The following CDK14 variants were observed in gnomAD, a reference collection of about 807,000 sequenced individuals.
The protein encoded by CDK14 is cyclin dependent kinase 14.
CDK14 carries 34 observed loss-of-function variants against 60.7 expected under a neutral mutation model. That is an observed-to-expected ratio of 0.56 (90% CI 0.43 to 0.75). CDK14 has a LOEUF of 0.75. CDK14 is among the 30% of genes least tolerant of loss of function. The pLI is 0.00. For missense variants in CDK14, 482 were observed against 564.1 expected (o/e 0.85, Z 1.47); for synonymous variants, 197 against 203.7 (o/e 0.97, Z 0.28).
chr7:91,153,095 G>C, intron 14 of CDK14, among the ~76,000 whole-genome samples: 1 of 152,182 alleles, frequency 6.6e-6, no homozygotes, highest in East Asian at 1.9e-4. Flanking sequence ...ATAGCTAGGA[G>C]ACTGGCATGG....
chr7:90,899,765 T>C (rs954518916), intron 7 of CDK14, among the ~76,000 whole-genome samples: 4 of 152,126 alleles, frequency 2.6e-5, no homozygotes, highest in African/African-American at 9.6e-5. Context: ...CATGTCTTTT[T>C]ATTTCTATGT....
At chr7:91,070,828 CA>C (rs60407101) in intron 11 of CDK14, among the ~76,000 whole-genome samples, 38 of 140,234 alleles carry the variant, frequency 2.7e-4, no homozygotes, top group East Asian at 6.2e-4. Context: ...TAATTTTTAC[CA>C]AAAAAAAAAG....
chr7:90,618,327 CTCTT>C (rs1486774699), intron 2 of CDK14, among the ~76,000 whole-genome samples: 5 of 151,836 alleles, frequency 3.3e-5, no homozygotes, highest in Admixed American at 6.6e-5. Context: ...TTTTTTTTCT[CTCTT>C]TCTCTCCTTT....
At chr7:90,955,242 T>C (rs1046591494) in intron 8 of CDK14, among the ~76,000 whole-genome samples, 3 of 152,138 alleles carry the variant, frequency 2.0e-5, no homozygotes, top group Non-Finnish European at 1.5e-5. Flanking sequence ...AGTATTATAC[T>C]CTCCTCTTGC....
chr7:91,153,804 G>A (rs535495895), intron 14 of CDK14, among the ~76,000 whole-genome samples: 105 of 152,198 alleles, frequency 6.9e-4, no homozygotes, highest in Admixed American at 2.7e-3. Context: ...CCTGGGTAAC[G>A]AAATAATCTG....
rs895722840 is a variant in CDK14 at position 91,093,165 on chromosome 7, A to G, written c.1154+13685A>G. On this transcript the variant is annotated intron_variant, in intron 12 of 14. Transcript: ENST00000380050. The stretch of plus-strand genomic sequence containing the variant: ...TCTGCAGCTCTGAGGACTGGTTCAG[A>G]TGTGTGCGTGTCACTCTATTTGGAA... Among the ~76,000 whole-genome samples, 6 of 152,254 alleles carry G rather than the reference A, an allele frequency of 3.9e-5. 1 individual carries two copies. Among genetic ancestry groups the G allele is most frequent in the Middle Eastern group, 6.8e-3 (2 of 294 alleles).
intron 4 of CDK14, among the ~76,000 whole-genome samples, chr7:90,775,290 T>G (rs3808226): frequency 0.21 from 31,204 of 152,144 alleles, 3,342 homozygotes; most frequent in South Asian, 0.24. Context: ...AACAGAAGAT[T>G]AGGAATGAAT....
At chr7:90,912,455 G>A (rs1279945219) in intron 7 of CDK14, among the ~76,000 whole-genome samples, 2 of 152,130 alleles carry the variant, frequency 1.3e-5, no homozygotes, top group African/African-American at 4.8e-5. Flanking sequence ...ATGAGGTGTG[G>A]TGGAAAATTC....
intron 8 of CDK14, among the ~76,000 whole-genome samples, chr7:90,952,336 T>G (rs1048999882): frequency 6.6e-6 from 1 of 152,152 alleles, no homozygotes; most frequent in Admixed American, 6.6e-5. Context: ...GATAACCATC[T>G]TATAGAGATG....
At chr7:91,106,816 G>A (rs1323344543) in intron 12 of CDK14, among the ~76,000 whole-genome samples, 1 of 152,196 alleles carries the variant, frequency 6.6e-6, no homozygotes, top group Non-Finnish European at 1.5e-5. Flanking sequence ...TACACCAAGA[G>A]AGGTCACTGC....
intron 2 of CDK14, among the ~76,000 whole-genome samples, chr7:90,648,616 G>GC (rs995013449): frequency 3.9e-5 from 6 of 151,982 alleles, no homozygotes; most frequent in African/African-American, 1.5e-4. Context: ...TTCTCTCAGG[G>GC]CCCCCAGACC....
chr7:91,054,988 C>T (rs1035743624), intron 11 of CDK14, among the ~76,000 whole-genome samples: 2 of 152,108 alleles, frequency 1.3e-5, no homozygotes, highest in Non-Finnish European at 2.9e-5. Flanking sequence ...CAAAAAGTCA[C>T]GGACTCATTT....
intron 5 of CDK14, among the ~76,000 whole-genome samples, chr7:90,816,548 G>A (rs925588797): frequency 6.6e-6 from 1 of 152,192 alleles, no homozygotes; most frequent in Non-Finnish European, 1.5e-5. Context: ...CATTTGGGAT[G>A]ATTGGTCAGG....
intron 2 of CDK14, among the ~76,000 whole-genome samples, chr7:90,719,735 G>T (rs1802378384): frequency 6.6e-6 from 1 of 152,124 alleles, no homozygotes; most frequent in African/African-American, 2.4e-5. Context: ...GTTTATTTTG[G>T]TATTTGTGAT....
chr7:90,649,774 T>C (rs1456956589), intron 2 of CDK14, among the ~76,000 whole-genome samples: 1 of 152,112 alleles, frequency 6.6e-6, no homozygotes, highest in Non-Finnish European at 1.5e-5. Context: ...TCCATGTCCC[T>C]GCAAAGGACG....
At chr7:90,722,619 A>ATTT (rs10629900) in intron 2 of CDK14, among the ~76,000 whole-genome samples, 22 of 151,460 alleles carry the variant, frequency 1.5e-4, no homozygotes, top group African/African-American at 3.6e-4. Flanking sequence ...ACCTTGTTAA[A>ATTT]TTTTTTTTTT....
At chr7:90,989,643 C>T (rs948436211) in intron 10 of CDK14, among the ~76,000 whole-genome samples, 4 of 152,028 alleles carry the variant, frequency 2.6e-5, no homozygotes, top group South Asian at 2.1e-4. Context: ...CCAGCAATAA[C>T]GGTGGATTCT....
chr7:90,937,714 A>G (rs1176098540), intron 8 of CDK14, among the ~76,000 whole-genome samples: 1 of 152,184 alleles, frequency 6.6e-6, no homozygotes, highest in African/African-American at 2.4e-5. Flanking sequence ...GTTTCAATGA[A>G]AAATCAGCCA....
In CDK14 at chr7:90,949,579, A is replaced by G. The variant is rs144357752; in HGVS notation, c.827-6118A>G. Among the ~76,000 whole-genome samples, 9 of 152,336 alleles carry G rather than the reference A, an allele frequency of 5.9e-5. No individual in the cohort carries two copies. The South Asian group carries it at 1.4e-3, about 25-fold the overall frequency. On this transcript the variant is annotated intron_variant, in intron 8 of 14. Coordinates refer to ENST00000380050, the MANE Select transcript of CDK14 (RefSeq NM_001287135.2). The stretch of plus-strand genomic sequence containing the variant: ...AGGCATAATTTATTGAACTTAAAAA[A>G]TTCAGGGATAATTAAATAAAATCAA...
Sources: allele counts gnomAD v4.1 joint callset (sites outside exome capture counted in the v4.1 genomes callset), GRCh38; gene constraint gnomAD v4.1.1; transcripts MANE v1.5; gene names NCBI Gene and HGNC (gene_info 2026-07-23, HGNC 2026-07-21).